Variants in CLIP4 observed in about 807,000 individuals in gnomAD.
The protein encoded by CLIP4 is CAP-Gly domain-containing linker protein 4.
A neutral mutation model predicts 73.1 loss-of-function variants in CLIP4; 47 were observed. The ratio of observed to expected loss-of-function variants is 0.64; its 90% confidence interval spans 0.51 to 0.82. The LOEUF (loss-of-function observed/expected upper bound fraction) is 0.82. Ranked by LOEUF, CLIP4 falls within the 40% of genes least tolerant of loss-of-function variation. The probability of loss-of-function intolerance (pLI) is 0.00; values close to 1 mark genes in which losing one functional copy is unlikely to be tolerated. For synonymous variants in CLIP4, 306 were observed against 295.4 expected, an observed-to-expected ratio of 1.04 and a Z score of -0.37; for missense variants, 874 against 852.9, an observed-to-expected ratio of 1.02 and a Z score of -0.31.
intron 1 of CLIP4, among the ~76,000 whole-genome samples, chr2:29,118,742 A>G (rs1664048320): frequency 6.6e-6 from 1 of 152,020 alleles, no homozygotes; most frequent in Non-Finnish European, 1.5e-5. Flanking sequence ...CTGGTCTCGA[A>G]TGCCTGACCT....
At chr2:29,110,918 G>C (rs1007968440), upstream of CLIP4, among the ~76,000 whole-genome samples, 1 of 152,048 alleles carries the variant, frequency 6.6e-6, no homozygotes, top group Admixed American at 6.5e-5. Context: ...TGAACCCCTG[G>C]CCTCAAGTGA....
intron 8 of CLIP4, among the ~76,000 whole-genome samples, chr2:29,152,455 A>C (rs534358950): frequency 6.6e-6 from 1 of 152,326 alleles, no homozygotes; most frequent in African/African-American, 2.4e-5. Flanking sequence ...ATTTCACTTA[A>C]CACCTGAAAT....
At chr2:29,101,243 T>C (rs1194618125) in intron 1 of CLIP4, among the ~76,000 whole-genome samples, 1 of 147,916 alleles carries the variant, frequency 6.8e-6, no homozygotes, top group Non-Finnish European at 1.5e-5. Flanking sequence ...TGAGCCGAGA[T>C]TGTGCCACTG....
chr2:29,134,492 A>G (rs1372572542), intron 5 of CLIP4, among the ~76,000 whole-genome samples: 4 of 152,210 alleles, frequency 2.6e-5, no homozygotes, highest in African/African-American at 9.6e-5. Context: ...GTTCATTTCT[A>G]ACCTCCAATC....
At chr2:29,110,453 G>T (rs1668357188), upstream of CLIP4, among the ~76,000 whole-genome samples, 1 of 152,194 alleles carries the variant, frequency 6.6e-6, no homozygotes, top group South Asian at 2.1e-4. Context: ...TTGGTTTGGA[G>T]AATCCAAAAA....
intron 2 of CLIP4, among the ~76,000 whole-genome samples, chr2:29,123,297 A>G (rs546037786): frequency 1.9e-4 from 29 of 152,336 alleles, no homozygotes; most frequent in Admixed American, 1.6e-3. Context: ...GAAAAGCGGC[A>G]TATATAATTG....
chr2:29,132,550 C>A (rs888348010), intron 4 of CLIP4: 14 of 303,158 alleles, frequency 4.6e-5, no homozygotes, highest in Non-Finnish European at 7.8e-5. Context: ...GTTTGACAGT[C>A]CAAGGTCAGT....
chr2:29,109,637 C>G (rs543919805), intron 1 of CLIP4, among the ~76,000 whole-genome samples: 154 of 152,296 alleles, frequency 1.0e-3, no homozygotes, highest in African/African-American at 3.6e-3. Context: ...ATAAAGAAGA[C>G]TTTGCATCAT....
intron 1 of CLIP4, among the ~76,000 whole-genome samples, chr2:29,098,467 C>T (rs1667942989): frequency 6.6e-6 from 1 of 152,222 alleles, no homozygotes; most frequent in African/African-American, 2.4e-5. Context: ...CATTGTTTCA[C>T]ACAGCTTTTT....
chr2:29,117,910 T>A (rs1663976712), intron 1 of CLIP4, among the ~76,000 whole-genome samples: 2 of 152,374 alleles, frequency 1.3e-5, no homozygotes, highest in East Asian at 1.9e-4. Flanking sequence ...ATTTGTTAAA[T>A]GCATAAATAG....
At chr2:29,113,183 T>C (rs140272973), upstream of CLIP4, among the ~76,000 whole-genome samples, 18 of 152,348 alleles carry the variant, frequency 1.2e-4, no homozygotes, top group East Asian at 3.9e-4. This position sits in a 1 kb window ranked among gnomAD's most constrained non-coding sequence, Gnocchi z 4.0. Context: ...AAGATTTCCA[T>C]AGGTCAAGTG....
intron 14 of CLIP4, among the ~76,000 whole-genome samples, chr2:29,172,919 A>G (rs923479979): frequency 6.6e-6 from 1 of 151,936 alleles, no homozygotes; most frequent in Non-Finnish European, 1.5e-5. Flanking sequence ...TACCATTGCA[A>G]TTCTTTCCCC....
At chr2:29,109,627 A>G (rs1668331166) in intron 1 of CLIP4, among the ~76,000 whole-genome samples, 1 of 152,216 alleles carries the variant, frequency 6.6e-6, no homozygotes, top group South Asian at 2.1e-4. Context: ...AGCTGTAATT[A>G]TAAAGAAGAC....
chr2:29,150,863 G>A (rs531658251), intron 8 of CLIP4, among the ~76,000 whole-genome samples: 46 of 151,988 alleles, frequency 3.0e-4, no homozygotes, highest in East Asian at 5.8e-4. Context: ...CAGGTGATCC[G>A]CTTGCCTCGG....
At chr2:29,170,369 C>G (rs1667924371) in intron 14 of CLIP4, among the ~76,000 whole-genome samples, 1 of 152,162 alleles carries the variant, frequency 6.6e-6, no homozygotes, top group Admixed American at 6.5e-5. Flanking sequence ...CTGCCTATTC[C>G]CAACAGCATA....
chr2:29,107,048 G>A (rs887820578), intron 1 of CLIP4, among the ~76,000 whole-genome samples: 1 of 152,160 alleles, frequency 6.6e-6, no homozygotes, highest in African/African-American at 2.4e-5. Flanking sequence ...CAGCTAATTA[G>A]TCTGTCAGTG....
At chr2:29,114,026 G>A (rs1444298887), upstream of CLIP4, 1 of 152,266 alleles carries the variant, frequency 6.6e-6, no homozygotes, top group Non-Finnish European at 1.5e-5. Flanking sequence ...CGCAGATGCT[G>A]AGCCTGCAGA....
intron 13 of CLIP4, 49 bp from the exon 14 acceptor site, chr2:29,167,427 A>G: frequency 7.2e-7 from 1 of 1,394,676 alleles, no homozygotes; most frequent in South Asian, 1.3e-5. Context: ...CCAGTCTTAA[A>G]CCTGAAGACC....
In CLIP4 at chr2:29,160,324, C is replaced by T; in HGVS notation, c.1400-9C>T. 1.2e-6 allele frequency: 2 copies of T among 1,614,012 alleles called. No individual in the cohort carries two copies. Among genetic ancestry groups the T allele is most frequent in the Non-Finnish European group, 1.7e-6 (2 of 1,179,956 alleles). On this transcript the variant is annotated splice_polypyrimidine_tract_variant and intron_variant, in intron 11 of 15. Transcript: ENST00000320081. ...GCCCTGCCCCTGTATCCCTCCCTGA[C>T]TTAAACAGGTTTGAATTCCTCAGCA... is the stretch of plus-strand genomic sequence containing the variant.
Sources: gnomAD v4.1 joint callset for allele counts (sites outside exome capture counted in the v4.1 genomes callset) on GRCh38, gnomAD v4.1.1 for gene constraint, Gnocchi (gnomAD v3.1) non-coding constraint, MANE v1.5 for transcripts, NCBI Gene and HGNC (gene_info 2026-07-23, HGNC 2026-07-21) for gene names.